ZFHX3: variants seen among roughly 807,000 people sequenced by gnomAD.
The protein encoded by ZFHX3 is zinc finger homeobox 3.
Under a neutral mutation model 279.1 loss-of-function variants are expected in ZFHX3, and 42 were observed. The observed-to-expected ratio is 0.15, with a 90% CI of 0.12 to 0.19. ZFHX3 has a LOEUF of 0.19. ZFHX3 is among the 10% of genes least tolerant of loss of function. The probability of loss-of-function intolerance (pLI) is 1.00; values close to 1 mark genes in which losing one functional copy is unlikely to be tolerated. For missense variants in ZFHX3, 4,981 were observed against 4,754.0 expected, an observed-to-expected ratio of 1.05 and a Z score of -1.40; for synonymous variants, 2,293 against 1,957.8, an observed-to-expected ratio of 1.17 and a Z score of -4.52.
intron 1 of ZFHX3, among the ~76,000 whole-genome samples, chr16:73,047,256 T>C (rs1965331941): frequency 1.3e-5 from 2 of 151,338 alleles, no homozygotes; most frequent in Admixed American, 1.3e-4. Flanking sequence ...ATGCTCTGAC[T>C]TTTCCAAGAG....
chr16:73,773,256 C>G (rs1039369443), intron 1 of ZFHX3, among the ~76,000 whole-genome samples: 1 of 152,212 alleles, frequency 6.6e-6, no homozygotes, highest in African/African-American at 2.4e-5. Flanking sequence ...ACAGAAAGTT[C>G]TAGAGGAGGG....
intron 3 of ZFHX3, among the ~76,000 whole-genome samples, chr16:72,941,052 A>G (rs1960388144): frequency 6.6e-6 from 1 of 152,254 alleles, no homozygotes; most frequent in African/African-American, 2.4e-5. Flanking sequence ...GAGGAGACCA[A>G]GAAGGCCTGG....
intron 1 of ZFHX3, among the ~76,000 whole-genome samples, chr16:73,706,439 A>T (rs2053304983): frequency 6.9e-6 from 1 of 145,104 alleles, no homozygotes; most frequent in East Asian, 2.0e-4. Context: ...CTGGGTGACA[A>T]GAGCGAAACT....
At chr16:73,529,764 T>C (rs1349766315) in intron 2 of ZFHX3, among the ~76,000 whole-genome samples, 1 of 152,168 alleles carries the variant, frequency 6.6e-6, no homozygotes, top group Non-Finnish European at 1.5e-5. Context: ...TGATTCAGAG[T>C]GCTCGAAATA....
chr16:72,956,434 A>G (rs2144425312), intron 2 of ZFHX3, among the ~76,000 whole-genome samples: 1 of 152,374 alleles, frequency 6.6e-6, no homozygotes, highest in Middle Eastern at 3.4e-3. Flanking sequence ...GAGTGGCCCA[A>G]CTATCAGAAG....
intron 3 of ZFHX3, among the ~76,000 whole-genome samples, chr16:73,406,561 G>A (rs2017364824): frequency 6.6e-6 from 1 of 152,188 alleles, no homozygotes; most frequent in African/African-American, 2.4e-5. Flanking sequence ...CAATTCGTAT[G>A]GAATGCTATA....
chr16:72,957,200 T>A (rs1840789872), intron 2 of ZFHX3, among the ~76,000 whole-genome samples: 1 of 152,232 alleles, frequency 6.6e-6, no homozygotes, highest in South Asian at 2.1e-4. Context: ...TGGCCCCACG[T>A]AGCCAGAGTA....
chr16:73,682,858 GAA>G (rs1307128113), intron 1 of ZFHX3, among the ~76,000 whole-genome samples: 2 of 26,748 alleles, frequency 7.5e-5, no homozygotes, highest in Non-Finnish European at 1.6e-4. Flanking sequence ...GAAAGAGAAA[GAA>G]AGAAAGAAAG....
At chr16:72,978,149 G>A (rs1962432641) in intron 1 of ZFHX3, among the ~76,000 whole-genome samples, 1 of 152,220 alleles carries the variant, frequency 6.6e-6, no homozygotes, top group South Asian at 2.1e-4. Flanking sequence ...ACAGGCGTGA[G>A]CCACCGCACC....
rs1184832604 is a variant in ZFHX3, at chr16:73,811,338, A to T, written c.-1608+80313T>A. ...TTTCTGGGTGATCTAAAACTCTAAA[A>T]GTGATAGGTACAGCCTCAATTTCCC... On this transcript the variant is annotated intron_variant, in intron 1 of 17. Coordinates refer to the ZFHX3 transcript ENST00000641206. Among the ~76,000 whole-genome samples, 3 of 152,112 alleles carry T rather than the reference A, an allele frequency of 2.0e-5. No homozygotes were observed. The East Asian group carries it at 5.8e-4, about 29-fold the overall frequency.
intron 7 of ZFHX3, among the ~76,000 whole-genome samples, chr16:73,105,262 CAT>C (rs1265076728): frequency 6.8e-6 from 1 of 147,244 alleles, no homozygotes; most frequent in African/African-American, 2.5e-5. Flanking sequence ...TATATATATG[CAT>C]ATATATATAC....
chr16:72,840,620 A>G (rs2037322737), intron 4 of ZFHX3, among the ~76,000 whole-genome samples: 1 of 152,242 alleles, frequency 6.6e-6, no homozygotes, highest in Admixed American at 6.5e-5. Context: ...ACATGAGGAT[A>G]CAAATGAGGG....
At chr16:73,851,117 C>A (rs984183372) in intron 1 of ZFHX3, among the ~76,000 whole-genome samples, 2 of 152,152 alleles carry the variant, frequency 1.3e-5, no homozygotes, top group Non-Finnish European at 2.9e-5. Flanking sequence ...GCTGTCAAAA[C>A]ATGGTTACGA....
chr16:73,800,857 G>C (rs548951276), intron 1 of ZFHX3, among the ~76,000 whole-genome samples: 1 of 152,164 alleles, frequency 6.6e-6, no homozygotes, highest in Non-Finnish European at 1.5e-5. Context: ...AGCAGGCCAC[G>C]GGGAAGGGAC....
intron 4 of ZFHX3, among the ~76,000 whole-genome samples, chr16:73,270,118 C>T (rs2014101018): frequency 6.6e-6 from 1 of 152,116 alleles, no homozygotes; most frequent in Non-Finnish European, 1.5e-5. Flanking sequence ...TCCTTGTCAA[C>T]ACTTGGTATT....
intron 5 of ZFHX3, among the ~76,000 whole-genome samples, chr16:73,151,997 G>A (rs1966955499): frequency 6.7e-6 from 1 of 149,056 alleles, no homozygotes; most frequent in Admixed American, 6.7e-5. Flanking sequence ...TGGAACCTCT[G>A]GGCCCTATCA....
At chr16:73,482,563 G>T (rs530351027) in intron 2 of ZFHX3, among the ~76,000 whole-genome samples, 6 of 152,292 alleles carry the variant, frequency 3.9e-5, no homozygotes, top group African/African-American at 1.4e-4. Context: ...GCTGTGTAGG[G>T]CTTTAGCCCA....
At chr16:73,787,089 C>T (rs1043973784) in intron 1 of ZFHX3, among the ~76,000 whole-genome samples, 2 of 152,144 alleles carry the variant, frequency 1.3e-5, no homozygotes, top group South Asian at 2.1e-4. Flanking sequence ...CTTTTTCATA[C>T]TTTAACTGTC....
At chr16:73,703,345 C>T (rs1370812516) in intron 1 of ZFHX3, among the ~76,000 whole-genome samples, 1 of 151,812 alleles carries the variant, frequency 6.6e-6, no homozygotes, top group African/African-American at 2.4e-5. Context: ...TCCATGACTA[C>T]CATTAAAACA....
Sources: gnomAD v4.1 joint callset for allele counts (sites outside exome capture counted in the v4.1 genomes callset) on GRCh38, gnomAD v4.1.1 for gene constraint, MANE v1.5 for transcripts, NCBI Gene and HGNC (gene_info 2026-07-23, HGNC 2026-07-21) for gene names.